ANKS1B: variants seen among roughly 807,000 people sequenced by gnomAD.
ANKS1B encodes ankyrin repeat and sterile alpha motif domain containing 1B.
ANKS1B carries 36 observed loss-of-function variants against 148.3 expected under a neutral mutation model. The ratio of observed to expected loss-of-function variants is 0.24; its 90% CI spans 0.19 to 0.32. The LOEUF (loss-of-function observed/expected upper bound fraction) is 0.32. Ranked by LOEUF, ANKS1B falls within the 10% of genes least tolerant of loss-of-function variation. The pLI, the probability that ANKS1B is intolerant of heterozygous loss-of-function variation, is 1.00. For synonymous variants in ANKS1B, 542 were observed against 560.8 expected, an observed-to-expected ratio of 0.97 and a Z score of 0.47; for missense variants, 1,157 against 1,542.6, an observed-to-expected ratio of 0.75 and a Z score of 4.19.
chr12:99,984,372 C>A lies in ANKS1B; in HGVS notation c.-135G>T. ...CAAGAGCTTCAGCACGGAGAGCTCC[C>A]TGCAGCCCCAGGCAGGGAGCACGAC... On this transcript the variant is annotated 5_prime_UTR_variant, in exon 1 of 27. In the 5' UTR this introduces an upstream ATG that the reference lacks. Transcript: ENST00000683438. 1.6e-6 allele frequency: 1 copy of A among 618,664 alleles called. No individual in the cohort carries two copies. Among genetic ancestry groups the A allele is most frequent in the Non-Finnish European group, 2.6e-6 (1 of 385,600 alleles). The allele number at this position is 618,664 out of a possible 1,614,324, so 38.3% of individuals were successfully genotyped here.
chr12:99,121,678 A>G (rs1034972049), intron 15 of ANKS1B, among the ~76,000 whole-genome samples: 1 of 152,214 alleles, frequency 6.6e-6, no homozygotes, highest in African/African-American at 2.4e-5. Context: ...AATAATAACC[A>G]TAGCCACGGG....
chr12:99,889,616 G>T lies in ANKS1B; in HGVS notation c.135-64227C>A, dbSNP rs138497044. Among the ~76,000 whole-genome samples the T allele has an allele frequency of 3.1e-3, 476 of 152,196 alleles. 2 individuals are homozygous for T. The highest frequency in any genetic ancestry group is 0.011 in the African/African-American group (452 of 41,536). ...TCCCCAAATCCATATGAGTCTGAAT[G>T]CTGAGAAATTCCACACTAAAGGTAG... On this transcript the variant is annotated intron_variant, in intron 1 of 26. Transcript: ENST00000683438.
chr12:99,752,387 G>T (rs1217730372), intron 8 of ANKS1B, among the ~76,000 whole-genome samples: 1 of 151,720 alleles, frequency 6.6e-6, no homozygotes, highest in Non-Finnish European at 1.5e-5. Context: ...TGTTTTACCT[G>T]CCAAACTCCA....
At chr12:98,910,480 C>T (rs575986145) in intron 17 of ANKS1B, among the ~76,000 whole-genome samples, 1 of 152,184 alleles carries the variant, frequency 6.6e-6, no homozygotes, top group African/African-American at 2.4e-5. Flanking sequence ...CCCAAAAGAG[C>T]AGAGGAAACA....
intron 8 of ANKS1B, among the ~76,000 whole-genome samples, chr12:99,711,590 G>GA (rs1451830916): frequency 1.3e-5 from 2 of 151,896 alleles, no homozygotes; most frequent in South Asian, 4.2e-4. Context: ...ACAAGCATAT[G>GA]AAAAAAAGCT....
intron 14 of ANKS1B, among the ~76,000 whole-genome samples, chr12:99,222,802 G>A (rs2085327611): frequency 6.6e-6 from 1 of 152,130 alleles, no homozygotes; most frequent in South Asian, 2.1e-4. Flanking sequence ...AAACTTTGGT[G>A]ATATTTTTAG....
rs2057846050 is a variant in ANKS1B, at chr12:99,719,575, C to G, written c.1128+53347G>C. Among the ~76,000 whole-genome samples the G allele has an allele frequency of 2.6e-5, 4 of 152,274 alleles. No individual in the cohort carries two copies. The South Asian group carries it at 8.3e-4, about 32-fold the overall frequency. ...TATTATTGAGGCTACTGCTCTGCCC[C>G]CCTCCACTACCTCTCAGCAAGCCGA... On this transcript the variant is annotated intron_variant, in intron 8 of 26. Transcript: ENST00000683438.
At chr12:99,548,013 A>T (rs1268870311) in intron 9 of ANKS1B, among the ~76,000 whole-genome samples, 1 of 152,196 alleles carries the variant, frequency 6.6e-6, no homozygotes, top group African/African-American at 2.4e-5. Context: ...TAGTTGATTG[A>T]CAGTAATTAT....
At chr12:99,619,532 G>C (rs1198667909) in intron 9 of ANKS1B, among the ~76,000 whole-genome samples, 1 of 151,932 alleles carries the variant, frequency 6.6e-6, no homozygotes, top group African/African-American at 2.4e-5. Context: ...CCCTTCCTGG[G>C]CATAGATTGT....
chr12:99,577,167 T>A (rs1268636725), intron 9 of ANKS1B, among the ~76,000 whole-genome samples: 2 of 151,852 alleles, frequency 1.3e-5, no homozygotes, highest in African/African-American at 2.4e-5. Flanking sequence ...TTCCATCCAG[T>A]CTTTCTCTGA....
At chr12:99,444,004 G>A (rs576310083) in intron 10 of ANKS1B, among the ~76,000 whole-genome samples, 195 bp from the exon 11 acceptor site, 1 of 151,896 alleles carries the variant, frequency 6.6e-6, no homozygotes, top group Non-Finnish European at 1.5e-5. Flanking sequence ...TTCTAAAATG[G>A]TAACTATCAC....
intron 17 of ANKS1B, among the ~76,000 whole-genome samples, chr12:98,943,813 T>G (rs1184575665): frequency 6.6e-6 from 1 of 152,224 alleles, no homozygotes; most frequent in Non-Finnish European, 1.5e-5. Context: ...GATGTAGACA[T>G]CTTTGGGAGT....
intron 14 of ANKS1B, among the ~76,000 whole-genome samples, chr12:99,220,449 C>CTTTTTTTT (rs5800380): frequency 1.8e-5 from 2 of 112,714 alleles, no homozygotes; most frequent in Non-Finnish European, 3.6e-5. Flanking sequence ...AGTAGCATTT[C>CTTTTTTTT]TTTTTTTTTT....
chr12:99,966,506 G>T (rs1203194781), intron 1 of ANKS1B, among the ~76,000 whole-genome samples: 4 of 152,172 alleles, frequency 2.6e-5, no homozygotes, highest in Non-Finnish European at 5.9e-5. Context: ...TATGATGGGA[G>T]ATGAGAGCCA....
chr12:99,852,042 G>T (rs2087957066), intron 1 of ANKS1B, among the ~76,000 whole-genome samples: 3 of 152,134 alleles, frequency 2.0e-5, no homozygotes, highest in Admixed American at 2.0e-4. Flanking sequence ...AACAGTCCCT[G>T]CTCTCAGAAA....
At chr12:99,167,048 A>G (rs1281064970) in intron 14 of ANKS1B, among the ~76,000 whole-genome samples, 1 of 152,084 alleles carries the variant, frequency 6.6e-6, no homozygotes, top group Non-Finnish European at 1.5e-5. Context: ...CTGGGAAAAT[A>G]GAATACCTAT....
At chr12:99,613,119 C>G (rs2097916111) in intron 9 of ANKS1B, among the ~76,000 whole-genome samples, 1 of 152,122 alleles carries the variant, frequency 6.6e-6, no homozygotes, top group African/African-American at 2.4e-5. Context: ...ATTTCCACCT[C>G]AGTGAGGCTA....
chr12:99,806,722 A>C, intron 3 of ANKS1B, 22 bp from the exon 4 acceptor site: 1 of 1,586,010 alleles, frequency 6.3e-7, no homozygotes, highest in Non-Finnish European at 8.6e-7. Flanking sequence ...ATTTTTAAAA[A>C]GGCACATTTT....
chr12:99,552,606 T>C, intron 9 of ANKS1B, among the ~76,000 whole-genome samples: 1 of 152,224 alleles, frequency 6.6e-6, no homozygotes, highest in East Asian at 1.9e-4. Flanking sequence ...TCTAAAGTTA[T>C]ATTATGGCTG....
Sources: allele counts gnomAD v4.1 joint callset (sites outside exome capture counted in the v4.1 genomes callset), GRCh38; gene constraint gnomAD v4.1.1; transcripts MANE v1.5; gene names NCBI Gene and HGNC (gene_info 2026-07-23, HGNC 2026-07-21).